The following CNTNAP2 variants were observed in gnomAD, a reference collection of about 807,000 sequenced individuals.
The protein encoded by CNTNAP2 is contactin associated protein 2, also known as contactin-associated protein-like 2.
Under a neutral mutation model 155.2 loss-of-function variants are expected in CNTNAP2, and 98 were observed. The ratio of observed to expected loss-of-function variants is 0.63; its 90% CI spans 0.54 to 0.75. The LOEUF is 0.75. Ranked by LOEUF, CNTNAP2 falls within the 30% of genes least tolerant of loss-of-function variation. The probability of loss-of-function intolerance (pLI) is 0.00; values close to 1 mark genes in which losing one functional copy is unlikely to be tolerated. For synonymous variants in CNTNAP2, 651 were observed against 631.2 expected, an observed-to-expected ratio of 1.03 and a Z score of -0.47; for missense variants, 1,727 against 1,688.1, an observed-to-expected ratio of 1.02 and a Z score of -0.40.
chr7:147,900,456 T>C (rs2538970), intron 13 of CNTNAP2, among the ~76,000 whole-genome samples: 47,203 of 152,030 alleles, frequency 0.31, 7,468 homozygotes, highest in Middle Eastern at 0.43. Context: ...TTACCCTTCT[T>C]CGTCTGCCAT....
At chr7:147,851,690 C>T (rs1170713319) in intron 13 of CNTNAP2, among the ~76,000 whole-genome samples, 1 of 146,810 alleles carries the variant, frequency 6.8e-6, no homozygotes, top group Admixed American at 7.1e-5. Context: ...TGTTCTCACT[C>T]ATAGGCGGGA....
chr7:146,950,567 A>T (rs1584743467), intron 3 of CNTNAP2, among the ~76,000 whole-genome samples: 1 of 151,872 alleles, frequency 6.6e-6, no homozygotes, highest in East Asian at 1.9e-4. Flanking sequence ...TCTTGTGTTA[A>T]TTTGCTGAGA....
intron 1 of CNTNAP2, among the ~76,000 whole-genome samples, chr7:146,163,399 C>T (rs999217762): frequency 1.3e-5 from 2 of 150,586 alleles, no homozygotes; most frequent in Admixed American, 6.6e-5. Flanking sequence ...CATGGTGAAA[C>T]TCCGTCTCTA....
intron 13 of CNTNAP2, among the ~76,000 whole-genome samples, chr7:147,735,888 C>T (rs964018959): frequency 7.3e-5 from 11 of 151,462 alleles, no homozygotes; most frequent in African/African-American, 2.7e-4. Flanking sequence ...GATCTTCCCC[C>T]ATCCCTTTAT....
intron 1 of CNTNAP2, among the ~76,000 whole-genome samples, chr7:146,200,047 G>A (rs963514716): frequency 6.6e-6 from 1 of 152,168 alleles, no homozygotes; most frequent in Non-Finnish European, 1.5e-5. Flanking sequence ...TTCTGGTAGT[G>A]TGAAGAAGTA....
chr7:147,101,145 A>G (rs10279015), intron 4 of CNTNAP2, among the ~76,000 whole-genome samples: 4,692 of 152,294 alleles, frequency 0.031, 158 homozygotes, highest in East Asian at 0.11. Flanking sequence ...CATAAAAAGA[A>G]AGATGGCACT....
In CNTNAP2 at chr7:147,819,018, G is replaced by A. The variant is rs539963154; in HGVS notation, c.2099-84547G>A. 5.3e-5 allele frequency among the ~76,000 whole-genome samples: 8 copies of A among 152,162 alleles called. No individual in the cohort carries two copies. In the South Asian group the frequency reaches 1.0e-3, roughly 20 times the overall value. ...ATCCAGTTTCTTGATGTTTCTTGCC[G>A]CATTTCTCACTCTGTTCTACAGAGC... On this transcript the variant is annotated intron_variant, in intron 13 of 23. Coordinates refer to ENST00000361727, the MANE Select transcript of CNTNAP2 (RefSeq NM_014141.6).
chr7:146,849,237 G>C (rs979609500), intron 3 of CNTNAP2, among the ~76,000 whole-genome samples: 1 of 152,088 alleles, frequency 6.6e-6, no homozygotes. Context: ...TCATCATATA[G>C]AGCTCACTGC....
At chr7:147,220,913 C>T (rs1803382564) in intron 8 of CNTNAP2, among the ~76,000 whole-genome samples, 1 of 152,052 alleles carries the variant, frequency 6.6e-6, no homozygotes, top group South Asian at 2.1e-4. Flanking sequence ...TGGGGTTTTG[C>T]CATGTTGGCC....
intron 3 of CNTNAP2, among the ~76,000 whole-genome samples, chr7:147,019,423 A>C (rs987242289): frequency 6.6e-6 from 1 of 152,058 alleles, no homozygotes; most frequent in African/African-American, 2.4e-5. Flanking sequence ...AATTCCCCAA[A>C]AAAGCAAAAA....
chr7:146,381,523 C>T (rs1216788261), intron 1 of CNTNAP2, among the ~76,000 whole-genome samples: 3 of 152,036 alleles, frequency 2.0e-5, no homozygotes, highest in African/African-American at 7.2e-5. Context: ...CAGTACCTAC[C>T]TTGTAAGGTT....
At position 146,290,315 on chromosome 7, in the gene CNTNAP2, C is replaced by T. The variant is rs549832795; in HGVS notation, c.97+173342C>T. On this transcript the variant is annotated intron_variant, in intron 1 of 23. Transcript: ENST00000361727. ...AGTTCTCCTACTTGAGCATGAATCC[C>T]GTCTTAACCCTCAGTTTAGCAAACC... Among the ~76,000 whole-genome samples the T allele has an allele frequency of 3.2e-4, 48 of 152,252 alleles. 1 individual carries two copies. The East Asian group carries it at 8.9e-3, about 28-fold the overall frequency.
intron 11 of CNTNAP2, among the ~76,000 whole-genome samples, chr7:147,536,656 T>A (rs1799545228): frequency 1.3e-5 from 2 of 152,190 alleles, no homozygotes; most frequent in African/African-American, 4.8e-5. Context: ...AGAGGAGTCC[T>A]GGAGAGGGCT....
chr7:147,751,072 A>T (rs1446386122), intron 13 of CNTNAP2, among the ~76,000 whole-genome samples: 2 of 150,598 alleles, frequency 1.3e-5, no homozygotes, highest in East Asian at 1.9e-4. Flanking sequence ...AATAATAAAT[A>T]AAATAAATTA....
intron 8 of CNTNAP2, among the ~76,000 whole-genome samples, chr7:147,187,796 A>C (rs955869960): frequency 2.6e-5 from 4 of 152,214 alleles, no homozygotes; most frequent in South Asian, 2.1e-4. Context: ...ATGCTGGCTC[A>C]CACCTCTAAT....
chr7:147,662,223 C>T (rs534698478), intron 13 of CNTNAP2, among the ~76,000 whole-genome samples: 2 of 152,230 alleles, frequency 1.3e-5, no homozygotes, highest in Non-Finnish European at 2.9e-5. Flanking sequence ...ACCCTCTCCA[C>T]CTCAAGGATC....
chr7:148,288,958 A>G (rs1797143910), intron 21 of CNTNAP2, among the ~76,000 whole-genome samples: 1 of 151,018 alleles, frequency 6.6e-6, no homozygotes, highest in Non-Finnish European at 1.5e-5. Context: ...AAAAAAAAAA[A>G]AAAAAAAAAA....
chr7:147,158,464 C>T (rs1390718), intron 8 of CNTNAP2, among the ~76,000 whole-genome samples: 77,801 of 151,862 alleles, frequency 0.51, 20,774 homozygotes, highest in South Asian at 0.7. Context: ...GAACACATAT[C>T]GACTGTATTT....
At chr7:146,458,280 A>T (rs1240296243) in intron 1 of CNTNAP2, among the ~76,000 whole-genome samples, 2 of 152,202 alleles carry the variant, frequency 1.3e-5, no homozygotes, top group East Asian at 1.9e-4. Flanking sequence ...CATCCTACAC[A>T]TGTACCCTGG....
Sources: gnomAD v4.1 joint callset for allele counts (sites outside exome capture counted in the v4.1 genomes callset) on GRCh38, gnomAD v4.1.1 for gene constraint, MANE v1.5 for transcripts, NCBI Gene and HGNC (gene_info 2026-07-23, HGNC 2026-07-21) for gene names.